Variants in AGAP1 observed in about 807,000 individuals in gnomAD.
AGAP1 encodes the protein ArfGAP with GTPase domain, ankyrin repeat and PH domain 1.
AGAP1 carries 29 observed loss-of-function variants against 105.3 expected under a neutral mutation model. The observed-to-expected ratio is 0.28, with a 90% CI of 0.21 to 0.38. The LOEUF (loss-of-function observed/expected upper bound fraction) is 0.38, where lower values mean the gene tolerates loss of function less well. Among genes scored for constraint, AGAP1 ranks in the 10% least tolerant of loss-of-function variants. AGAP1 has a pLI of 1.00. For missense variants in AGAP1, 998 were observed against 1,165.1 expected (o/e 0.86, Z 2.09); for synonymous variants, 509 against 485.9 (o/e 1.05, Z -0.63).
Position 235,973,062 on chromosome 2 carries a change from A to G in AGAP1, c.1645+4439A>G, listed in dbSNP as rs1305819348. On this transcript the variant is annotated intron_variant, in intron 13 of 17. Transcript: ENST00000304032. The surrounding 1 kb of genome is among the most constrained non-coding windows in gnomAD (Gnocchi z 4.7). ...CTGTGGCGCACTTATTCAGAAAGTAAAGGCTAATAGTAGGAATCATCAGTA... is the reference window on the plus strand; with the variant it reads ...CTGTGGCGCACTTATTCAGAAAGTAGAGGCTAATAGTAGGAATCATCAGTA... 1.3e-5 allele frequency among the ~76,000 whole-genome samples: 2 copies of G among 152,158 alleles called. No homozygotes were observed. The highest frequency in any genetic ancestry group is 2.4e-5 in the African/African-American group (1 of 41,450).
At chr2:235,990,798 C>A (rs961440241) in intron 13 of AGAP1, among the ~76,000 whole-genome samples, 2 of 152,158 alleles carry the variant, frequency 1.3e-5, no homozygotes, top group Admixed American at 1.3e-4. Context: ...AAAATATGAC[C>A]ATGGCCATTT....
chr2:235,509,143 T>C (rs1941960346), intron 1 of AGAP1, among the ~76,000 whole-genome samples: 2 of 152,340 alleles, frequency 1.3e-5, no homozygotes, highest in South Asian at 4.1e-4. Flanking sequence ...CCGTGAAAAT[T>C]AATGGTGGGT....
intron 9 of AGAP1, among the ~76,000 whole-genome samples, chr2:235,849,892 C>T (rs750280773): frequency 5.9e-5 from 9 of 152,372 alleles, no homozygotes; most frequent in Non-Finnish European, 1.2e-4. Context: ...CACTCACACC[C>T]TGACATGCTC....
chr2:235,843,611 C>T lies in AGAP1; in HGVS notation c.1050+36280C>T, dbSNP rs1418085829. 2.0e-5 allele frequency among the ~76,000 whole-genome samples: 3 copies of T among 152,152 alleles called. No homozygotes were observed. Among genetic ancestry groups the T allele is most frequent in the Non-Finnish European group, 1.5e-5 (1 of 68,046 alleles). On this transcript the variant is annotated intron_variant, in intron 9 of 17. Transcript: ENST00000304032. This position sits in a 1 kb window ranked among gnomAD's most constrained non-coding sequence, Gnocchi z 5.9. ...GCCAGCAGCACTTGCCTTCTCTTCC[C>T]CATCATCTGTGGTCTTTCTGCACCT...
chr2:235,665,220 T>C lies in AGAP1; in HGVS notation c.164-43959T>C, dbSNP rs1325106370. Among the ~76,000 whole-genome samples the C allele has an allele frequency of 6.6e-6, 1 of 152,162 alleles. No homozygotes were observed. The highest frequency in any genetic ancestry group is 1.5e-5 in the Non-Finnish European group (1 of 68,040). On this transcript the variant is annotated intron_variant, in intron 1 of 17. Transcript: ENST00000304032. This position sits in a 1 kb window ranked among gnomAD's most constrained non-coding sequence, Gnocchi z 5.3. ...TGTGTGGTGGTGTGTTCATACACAA[T>C]AGACATCGCCAGTGTTCTGTTGGCA...
At chr2:236,024,858 C>A (rs1256578674) in intron 13 of AGAP1, among the ~76,000 whole-genome samples, 1 of 152,180 alleles carries the variant, frequency 6.6e-6, no homozygotes, top group African/African-American at 2.4e-5. Flanking sequence ...GTTCATGGTG[C>A]TAAAATACTA....
chr2:235,910,444 A>C (rs936040493), intron 11 of AGAP1, among the ~76,000 whole-genome samples: 2 of 152,184 alleles, frequency 1.3e-5, no homozygotes, highest in Non-Finnish European at 2.9e-5. Flanking sequence ...AGGGGCTTCT[A>C]TGACCTGCTG....
At chr2:235,497,989 C>T (rs79685830) in intron 1 of AGAP1, among the ~76,000 whole-genome samples, 11,620 of 152,230 alleles carry the variant, frequency 0.076, 578 homozygotes, top group Middle Eastern at 0.17. Context: ...CTCAAAACTT[C>T]ACTGTTTTCT....
intron 6 of AGAP1, among the ~76,000 whole-genome samples, chr2:235,765,621 G>A (rs1954888985): frequency 6.6e-6 from 1 of 152,164 alleles, no homozygotes; most frequent in Admixed American, 6.5e-5. Flanking sequence ...CCCGCTAAAT[G>A]TTCGGCAGCA....
At chr2:235,926,085 C>T (rs1418001756) in intron 11 of AGAP1, among the ~76,000 whole-genome samples, 1 of 152,150 alleles carries the variant, frequency 6.6e-6, no homozygotes. Flanking sequence ...GCAGGTATTG[C>T]TTGATGCTTA....
chr2:235,541,131 A>G (rs1380759636), intron 1 of AGAP1, among the ~76,000 whole-genome samples: 1 of 152,210 alleles, frequency 6.6e-6, no homozygotes. Context: ...AGCTCTATTT[A>G]ATAATCACCA....
At chr2:235,996,009 T>C (rs1009038471) in intron 13 of AGAP1, among the ~76,000 whole-genome samples, 37 of 152,110 alleles carry the variant, frequency 2.4e-4, no homozygotes, top group African/African-American at 8.7e-4. Context: ...TGTTCCTGAT[T>C]TGGATGTGTA....
At chr2:235,773,008 G>T (rs2149864818) in intron 6 of AGAP1, among the ~76,000 whole-genome samples, 1 of 152,294 alleles carries the variant, frequency 6.6e-6, no homozygotes, top group East Asian at 1.9e-4. Flanking sequence ...TATTGTTCCT[G>T]GTGGAGGGGG....
chr2:235,539,570 A>G (rs2149091971), intron 1 of AGAP1, among the ~76,000 whole-genome samples: 1 of 151,904 alleles, frequency 6.6e-6, no homozygotes, highest in Middle Eastern at 3.4e-3. Flanking sequence ...CCTCTCCCAT[A>G]TTTCCCCTCT....
chr2:235,902,738 A>C (rs1320221958), intron 10 of AGAP1, among the ~76,000 whole-genome samples: 1 of 152,212 alleles, frequency 6.6e-6, no homozygotes, highest in East Asian at 1.9e-4. Context: ...TTCAGCTTGC[A>C]ACTCCAACAG....
chr2:235,730,518 G>A (rs1951888319), intron 3 of AGAP1, among the ~76,000 whole-genome samples: 1 of 142,570 alleles, frequency 7.0e-6, no homozygotes, highest in African/African-American at 2.6e-5. Context: ...GTCTCACTCT[G>A]TCACCTGGGC....
In AGAP1 at chr2:235,610,777, G is replaced by A. The variant is rs1459535707; in HGVS notation, c.164-98402G>A. On this transcript the variant is annotated intron_variant, in intron 1 of 17. Transcript: ENST00000304032. The surrounding 1 kb of genome is among the most constrained non-coding windows in gnomAD (Gnocchi z 4.9). ...AAACCCTGGGCTGGGGAGGAGGTGC[G>A]CTAAGACTGGGCCACAGGTGTGCTC... Among the ~76,000 whole-genome samples the A allele has an allele frequency of 2.0e-5, 3 of 152,050 alleles. No individual in the cohort carries two copies. The highest frequency in any genetic ancestry group is 1.9e-4 in the East Asian group (1 of 5,160).
At chr2:235,632,187 G>A (rs997078394) in intron 1 of AGAP1, among the ~76,000 whole-genome samples, 1 of 152,204 alleles carries the variant, frequency 6.6e-6, no homozygotes, top group Non-Finnish European at 1.5e-5. Context: ...GAGCTTAGCC[G>A]CCCTGGCAGT....
Position 235,769,017 on chromosome 2 carries a change from A to ATC in AGAP1, c.673+18530_673+18531dup, listed in dbSNP as rs1955208057. On this transcript the variant is annotated intron_variant, in intron 6 of 17. Transcript: ENST00000304032. The surrounding 1 kb of genome is among the most constrained non-coding windows in gnomAD (Gnocchi z 4.4). ...AATAATTATACCAACTGTACTAAAGATCCCAGTACTCGAGTAATTCACCAT... is the reference window on the plus strand; with the variant it reads ...AATAATTATACCAACTGTACTAAAGATCTCCCAGTACTCGAGTAATTCACCAT... 2.0e-5 allele frequency among the ~76,000 whole-genome samples: 3 copies of ATC among 152,240 alleles called. No homozygotes were observed. Among genetic ancestry groups the ATC allele is most frequent in the African/African-American group, 4.8e-5 (2 of 41,460 alleles).
Sources: allele counts gnomAD v4.1 joint callset (sites outside exome capture counted in the v4.1 genomes callset), GRCh38; gene constraint gnomAD v4.1.1; non-coding constraint Gnocchi (gnomAD v3.1); transcripts MANE v1.5; gene names NCBI Gene and HGNC (gene_info 2026-07-23, HGNC 2026-07-21).